Variants in PCID2 observed in about 807,000 individuals in gnomAD.
PCID2 encodes PCI domain containing 2.
In PCID2, 41 loss-of-function variants were observed where a neutral mutation model predicts 61.3. That is an observed-to-expected ratio of 0.67 (90% CI 0.52 to 0.87). PCID2 has a LOEUF of 0.87. Among genes scored for constraint, PCID2 ranks in the 40% least tolerant of loss-of-function variants. The pLI, the probability that PCID2 is intolerant of heterozygous loss-of-function variation, is 0.00. For synonymous variants in PCID2, 187 were observed against 177.8 expected, an observed-to-expected ratio of 1.05 and a Z score of -0.41; for missense variants, 392 against 493.4, an observed-to-expected ratio of 0.79 and a Z score of 1.95.
intron 1 of PCID2, among the ~76,000 whole-genome samples, chr13:113,201,533 C>T (rs1478927714): frequency 1.3e-5 from 2 of 151,942 alleles, no homozygotes; most frequent in Non-Finnish European, 2.9e-5. Context: ...AAAAAATTGC[C>T]GGTCACGGTG....
At chr13:113,206,985 A>C (rs2039908967) in intron 1 of PCID2, among the ~76,000 whole-genome samples, 1 of 152,170 alleles carries the variant, frequency 6.6e-6, no homozygotes, top group African/African-American at 2.4e-5. Flanking sequence ...CAGTTTACAC[A>C]CATAGAGTAG....
At chr13:113,204,340 A>G (rs180889097) in intron 1 of PCID2, among the ~76,000 whole-genome samples, 1 of 152,352 alleles carries the variant, frequency 6.6e-6, no homozygotes, top group East Asian at 1.9e-4. Flanking sequence ...CCAGACTTGG[A>G]GCAAGCACTG....
chr13:113,172,034 G>A, the PCID2 span: 5 of 1,613,032 alleles, frequency 3.1e-6, no homozygotes, highest in South Asian at 5.5e-5. Context: ...GCCAGTAGGA[G>A]GGCAGGCTCA....
chr13:113,206,342 G>A (rs1436030000), intron 1 of PCID2, among the ~76,000 whole-genome samples: 2 of 152,160 alleles, frequency 1.3e-5, no homozygotes, highest in Non-Finnish European at 2.9e-5. Context: ...TCTTTGCTGT[G>A]TCTCACTTGG....
intron 7 of PCID2, chr13:113,187,793 T>C (rs1181635397): frequency 1.3e-5 from 2 of 152,262 alleles, no homozygotes; most frequent in Non-Finnish European, 2.9e-5. Flanking sequence ...GGTTGTTTTT[T>C]ACTTTTTTGA....
chr13:113,167,118 T>C, the PCID2 span, among the ~76,000 whole-genome samples: 2 of 152,216 alleles, frequency 1.3e-5, no homozygotes, highest in African/African-American at 4.8e-5. Context: ...TAGCAGGACA[T>C]AGGGTTGAAG....
At chr13:113,171,659 T>C in the PCID2 span, 2 of 1,614,060 alleles carry the variant, frequency 1.2e-6, no homozygotes, top group African/African-American at 2.7e-5. The surrounding 1 kb of genome is among the most constrained non-coding windows in gnomAD (Gnocchi z 5.1). Context: ...GCACATGCGG[T>C]ATGACGCGGA....
chr13:113,176,478 A>G (rs2037188026), downstream of PCID2, among the ~76,000 whole-genome samples: 1 of 152,304 alleles, frequency 6.6e-6, no homozygotes, highest in Admixed American at 6.5e-5. Context: ...TAAGAGGAAG[A>G]GAGCCGGGTG....
downstream of PCID2, among the ~76,000 whole-genome samples, chr13:113,172,848 C>G (rs1400102181): frequency 6.6e-6 from 1 of 152,192 alleles, no homozygotes; most frequent in East Asian, 1.9e-4. Flanking sequence ...GCCTCAGGGT[C>G]GCCCAGGGTA....
In PCID2 at chr13:113,197,010, T is replaced by A. The variant is rs750531885; in HGVS notation, c.266+168A>T. ...CACGAGTCTTCAGATCCATGCTAAA[T>A]TTAAGTACCCAAGTGAAAGAGCTGA... On this transcript the variant is annotated intron_variant, in intron 4 of 13. Transcript: ENST00000337344. 8.7e-6 allele frequency: 14 copies of A among 1,602,134 alleles called. No individual in the cohort carries two copies. The African/African-American group carries it at 1.7e-4, about 20-fold the overall frequency.
the PCID2 span, chr13:113,172,112 C>G: frequency 6.2e-6 from 10 of 1,612,008 alleles, no homozygotes; most frequent in South Asian, 7.7e-5. Flanking sequence ...CTAACTGAAA[C>G]TCAGCTAGCC....
intron 5 of PCID2, among the ~76,000 whole-genome samples, chr13:113,195,832 T>A (rs561864108): frequency 1.8e-4 from 27 of 152,236 alleles, no homozygotes; most frequent in Non-Finnish European, 4.4e-5. Context: ...ACACCCCAAA[T>A]GAACCGTAGT....
At chr13:113,173,201 G>A (rs1248400392), downstream of PCID2, among the ~76,000 whole-genome samples, 1 of 152,190 alleles carries the variant, frequency 6.6e-6, no homozygotes, top group Non-Finnish European at 1.5e-5. Context: ...TTGTAGAACA[G>A]ACCAGGACAG....
At chr13:113,208,087 G>A in intron 1 of PCID2, 1 of 1,612,692 alleles carries the variant, frequency 6.2e-7, no homozygotes, top group Non-Finnish European at 8.5e-7. Context: ...ATTGTGCTCG[G>A]AGAGTGAAGG....
intron 1 of PCID2, among the ~76,000 whole-genome samples, chr13:113,205,569 C>T (rs4548760): frequency 0.97 from 147,951 of 152,350 alleles, 71,970 homozygotes; most frequent in East Asian, 1. Flanking sequence ...AGCAGCACAA[C>T]AGCCAAAAAG....
chr13:113,190,687 C>T, intron 7 of PCID2, 185 bp downstream of exon 7: 1 of 439,342 alleles, frequency 2.3e-6, no homozygotes, highest in Non-Finnish European at 4.0e-6. Context: ...CTCTTTTTTC[C>T]CTCAGCTCTT....
chr13:113,187,318 CCT>C (rs1465964152), intron 7 of PCID2: 1 of 152,170 alleles, frequency 6.6e-6, no homozygotes, highest in Non-Finnish European at 1.5e-5. Flanking sequence ...GGGGATCTGC[CCT>C]GTCTTCTGAG....
At chr13:113,177,294 C>T (rs1427799672), downstream of PCID2, among the ~76,000 whole-genome samples, 5 of 152,126 alleles carry the variant, frequency 3.3e-5, no homozygotes, top group Admixed American at 6.5e-5. Flanking sequence ...TGCGCCACCA[C>T]GCCCGGCTAA....
At chr13:113,171,726 G>GT in the PCID2 span, 1 of 1,612,580 alleles carries the variant, frequency 6.2e-7, no homozygotes, top group Non-Finnish European at 8.5e-7. This position sits in a 1 kb window ranked among gnomAD's most constrained non-coding sequence, Gnocchi z 5.1. Context: ...CAGTGCCCAG[G>GT]TGCGGGGCTC....
Sources: allele counts gnomAD v4.1 joint callset (sites outside exome capture counted in the v4.1 genomes callset), GRCh38; gene constraint gnomAD v4.1.1; non-coding constraint Gnocchi (gnomAD v3.1); transcripts MANE v1.5; gene names NCBI Gene and HGNC (gene_info 2026-07-23, HGNC 2026-07-21).